Variants in KCNJ6 observed in about 807,000 individuals in gnomAD.
KCNJ6 encodes the protein potassium inwardly rectifying channel subfamily J member 6.
A neutral mutation model predicts 34.2 loss-of-function variants in KCNJ6; 9 were observed. The ratio of observed to expected loss-of-function variants is 0.26; its 90% CI spans 0.16 to 0.46. The LOEUF (loss-of-function observed/expected upper bound fraction) is 0.46, where lower values mean the gene tolerates loss of function less well. Ranked by LOEUF, KCNJ6 falls within the 20% of genes least tolerant of loss-of-function variation. The pLI is 1.00. For missense variants in KCNJ6, 236 were observed against 531.3 expected (o/e 0.44, Z 5.46); for synonymous variants, 196 against 207.1 (o/e 0.95, Z 0.46).
chr21:37,763,342 T>C (rs948741897), intron 2 of KCNJ6, among the ~76,000 whole-genome samples: 5 of 152,042 alleles, frequency 3.3e-5, no homozygotes, highest in Admixed American at 6.5e-5. Context: ...GGTAAGGAGG[T>C]GATTCCCTGA....
chr21:37,833,237 A>T (rs1166861350), intron 2 of KCNJ6, among the ~76,000 whole-genome samples: 3 of 151,264 alleles, frequency 2.0e-5, no homozygotes, highest in African/African-American at 7.3e-5. Context: ...CTGGTCTCGA[A>T]CTCCTGACCT....
At chr21:37,819,144 G>A (rs896530827) in intron 2 of KCNJ6, among the ~76,000 whole-genome samples, 4 of 151,954 alleles carry the variant, frequency 2.6e-5, no homozygotes, top group Non-Finnish European at 5.9e-5. Context: ...TTTACTTTTT[G>A]TTTACAGTTT....
At chr21:37,747,742 G>C (rs1303001918) in intron 2 of KCNJ6, among the ~76,000 whole-genome samples, 2 of 152,182 alleles carry the variant, frequency 1.3e-5, no homozygotes, top group African/African-American at 4.8e-5. Flanking sequence ...GGCGGCCTCT[G>C]GAAGATGGAA....
At chr21:37,766,439 T>C (rs1172139105) in intron 2 of KCNJ6, among the ~76,000 whole-genome samples, 1 of 152,140 alleles carries the variant, frequency 6.6e-6, no homozygotes, top group Non-Finnish European at 1.5e-5. Flanking sequence ...TTGGCAGGAT[T>C]TTGATCATGC....
chr21:37,744,284 C>A (rs1268981199), intron 2 of KCNJ6, among the ~76,000 whole-genome samples: 1 of 151,720 alleles, frequency 6.6e-6, no homozygotes, highest in Non-Finnish European at 1.5e-5. Flanking sequence ...GCACATTGTG[C>A]ACATGTACCC....
At chr21:37,757,755 G>A (rs2055038185) in intron 2 of KCNJ6, among the ~76,000 whole-genome samples, 1 of 152,254 alleles carries the variant, frequency 6.6e-6, no homozygotes, top group South Asian at 2.1e-4. Flanking sequence ...TGTTGCCAAA[G>A]CAATCATTCC....
At chr21:37,850,178 T>C (rs2055530290) in intron 1 of KCNJ6, among the ~76,000 whole-genome samples, 1 of 152,208 alleles carries the variant, frequency 6.6e-6, no homozygotes, top group Non-Finnish European at 1.5e-5. Context: ...TTCTTTCTTT[T>C]ATTTGATCAG....
chr21:37,727,894 G>GCAACAACAA (rs34175609), intron 2 of KCNJ6, among the ~76,000 whole-genome samples: 1 of 151,736 alleles, frequency 6.6e-6, no homozygotes. Context: ...TCTGCATCTA[G>GCAACAACAA]CAACAACAAC....
chr21:37,877,470 A>G (rs888284581), intron 1 of KCNJ6, among the ~76,000 whole-genome samples: 2 of 152,230 alleles, frequency 1.3e-5, no homozygotes, highest in African/African-American at 4.8e-5. Context: ...TCAAACAGAA[A>G]AACTTGAGTG....
At chr21:37,858,030 T>C (rs1461344911) in intron 1 of KCNJ6, among the ~76,000 whole-genome samples, 1 of 151,988 alleles carries the variant, frequency 6.6e-6, no homozygotes, top group Non-Finnish European at 1.5e-5. Flanking sequence ...TGATTCAACA[T>C]ATATAGAGTT....
rs1341155058 is a variant in KCNJ6 at position 37,619,406 on chromosome 21, C to T, written c.*5753G>A. 6.6e-6 allele frequency: 1 copy of T among 152,190 alleles called. No homozygotes were observed. The highest frequency in any genetic ancestry group is 1.5e-5 in the Non-Finnish European group (1 of 68,042). 9.4% of individuals were successfully genotyped at this position (152,190 alleles called of 1,614,324 possible). On this transcript the variant is annotated 3_prime_UTR_variant, in exon 4 of 4. Coordinates refer to ENST00000609713, the MANE Select transcript of KCNJ6 (RefSeq NM_002240.5). ...TTCAGACTCAGAAAGCGCAAGAAAT[C>T]CAACAACCCTTTACTATACTTCCGT...
intron 2 of KCNJ6, among the ~76,000 whole-genome samples, chr21:37,752,604 G>A (rs2055001878): frequency 6.6e-6 from 1 of 152,128 alleles, no homozygotes; most frequent in Non-Finnish European, 1.5e-5. Context: ...TGGCAGACAC[G>A]CTGCCACAGG....
chr21:37,739,795 C>A (rs73408728), intron 2 of KCNJ6, among the ~76,000 whole-genome samples: 124 of 151,974 alleles, frequency 8.2e-4, no homozygotes, highest in African/African-American at 2.9e-3. Flanking sequence ...CCTGGAAAAA[C>A]GGGCATTTAC....
intron 2 of KCNJ6, among the ~76,000 whole-genome samples, chr21:37,819,314 T>C (rs2055362835): frequency 6.6e-6 from 1 of 152,182 alleles, no homozygotes; most frequent in South Asian, 2.1e-4. Flanking sequence ...CATTTTAGAA[T>C]TGAGATCAGA....
At chr21:37,754,441 T>C (rs897887871) in intron 2 of KCNJ6, among the ~76,000 whole-genome samples, 2 of 152,216 alleles carry the variant, frequency 1.3e-5, no homozygotes, top group African/African-American at 4.8e-5. Context: ...GCCTGTGGTA[T>C]GAACTGATGT....
intron 3 of KCNJ6, among the ~76,000 whole-genome samples, chr21:37,655,275 G>C (rs1410863524): frequency 1.0e-5 from 1 of 97,578 alleles, no homozygotes; most frequent in Non-Finnish European, 1.9e-5. Context: ...GAGAGAGAGA[G>C]AGAGAGAGAG....
intron 2 of KCNJ6, among the ~76,000 whole-genome samples, chr21:37,753,788 G>C (rs1201172127): frequency 6.6e-6 from 1 of 151,992 alleles, no homozygotes; most frequent in African/African-American, 2.4e-5. Flanking sequence ...ACACTCAAAA[G>C]AATCACCAGG....
At chr21:37,817,471 A>G (rs555706404) in intron 2 of KCNJ6, among the ~76,000 whole-genome samples, 1 of 152,368 alleles carries the variant, frequency 6.6e-6, no homozygotes, top group African/African-American at 2.4e-5. Flanking sequence ...AGAGAGGTTA[A>G]GAAACTTTCC....
At chr21:37,711,722 T>TA (rs1465004658) in intron 3 of KCNJ6, among the ~76,000 whole-genome samples, 2 of 151,914 alleles carry the variant, frequency 1.3e-5, no homozygotes, top group African/African-American at 4.8e-5. Flanking sequence ...GTGCTGGGGG[T>TA]ACTGAGTTGT....
Sources: gnomAD v4.1 joint callset for allele counts (sites outside exome capture counted in the v4.1 genomes callset) on GRCh38, gnomAD v4.1.1 for gene constraint, MANE v1.5 for transcripts, NCBI Gene and HGNC (gene_info 2026-07-23, HGNC 2026-07-21) for gene names.